ABCD3: variants seen among roughly 807,000 people sequenced by gnomAD.
ABCD3 encodes ATP-binding cassette sub-family D member 3.
ABCD3 carries 41 observed loss-of-function variants against 105.5 expected under a neutral mutation model. The observed-to-expected ratio is 0.39, with a 90% confidence interval of 0.30 to 0.50. The LOEUF (loss-of-function observed/expected upper bound fraction) is 0.50. Among genes scored for constraint, ABCD3 ranks in the 20% least tolerant of loss-of-function variants. The pLI, the probability that ABCD3 is intolerant of heterozygous loss-of-function variation, is 0.84. For synonymous variants in ABCD3, 258 were observed against 269.0 expected, an observed-to-expected ratio of 0.96 and a Z score of 0.40; for missense variants, 622 against 806.3, an observed-to-expected ratio of 0.77 and a Z score of 2.77.
At chr1:94,436,488 G>A (rs1160230584) in intron 1 of ABCD3, among the ~76,000 whole-genome samples, 1 of 151,968 alleles carries the variant, frequency 6.6e-6, no homozygotes, top group Admixed American at 6.6e-5. Flanking sequence ...TTTTTTGGTT[G>A]TACTGTATCT....
chr1:94,418,558 A>G lies in ABCD3; in HGVS notation c.80A>G (p.His27Arg), dbSNP rs554914466. The change falls in exon 1 of 23, where the codon CAC (histidine) becomes CGC (arginine). Residue 27 changes from histidine to arginine, a missense_variant. By Grantham distance (29) the His-to-Arg change is conservative. Transcript: ENST00000370214. The stretch of plus-strand genomic sequence containing the variant: ...GCGTTCCTGCTGCTCTGCCTGCTCC[A>G]CAAGCGGCGCCGCGCCCTCGGCCTG... ...GAAFLLLCLL[H>R]KRRRALGLHG... 6.2e-7 allele frequency: 1 copy of G among 1,602,960 alleles called. No homozygotes were observed. The highest frequency in any genetic ancestry group is 8.5e-7 in the Non-Finnish European group (1 of 1,178,772).
intron 1 of ABCD3, among the ~76,000 whole-genome samples, chr1:94,439,236 T>C (rs1570746894): frequency 6.6e-6 from 1 of 152,216 alleles, no homozygotes; most frequent in African/African-American, 2.4e-5. Context: ...TGTTACTCTA[T>C]TGTTTTCTGA....
At chr1:94,406,216 T>C in the ABCD3 span, among the ~76,000 whole-genome samples, 4 of 152,210 alleles carry the variant, frequency 2.6e-5, no homozygotes, top group South Asian at 8.3e-4. Context: ...ATATTACCTT[T>C]ATCATACACT....
At chr1:94,422,628 A>G (rs1211787025) in intron 1 of ABCD3, among the ~76,000 whole-genome samples, 1 of 152,210 alleles carries the variant, frequency 6.6e-6, no homozygotes, top group Non-Finnish European at 1.5e-5. Context: ...TTAATTCCCT[A>G]GTTCGGCTCT....
rs71094301 is a variant in ABCD3 at position 94,456,255 on chromosome 1, ATTTTTTTTTTTTTTTTTTTT to A, written c.111-2335_111-2316del. Among the ~76,000 whole-genome samples the A allele has an allele frequency of 3.6e-3, 164 of 44,962 alleles. 1 individual carries two copies. The highest frequency in any genetic ancestry group is 5.1e-3 in the Admixed American group (13 of 2,536). The allele number at this position is 44,962 out of a possible 152,430, so 29.5% of individuals were successfully genotyped here. On this transcript the variant is annotated intron_variant, in intron 1 of 22. Transcript: ENST00000370214. Reference sequence around the variant, plus strand: ...CATCCATGTTGTTGCAAATGACAGAATTTTTTTTTTTTTTTTTTTTTTTTTTTTTTTTTTTTGGAGACGGA... The same window carrying A: ...CATCCATGTTGTTGCAAATGACAGAATTTTTTTTTTTTTTTTGGAGACGGA...
intron 20 of ABCD3, among the ~76,000 whole-genome samples, chr1:94,506,273 C>A (rs1419922540): frequency 1.3e-5 from 2 of 152,076 alleles, no homozygotes; most frequent in African/African-American, 4.8e-5. Flanking sequence ...TTTGAAACTT[C>A]CTCTCTCATC....
intron 16 of ABCD3, among the ~76,000 whole-genome samples, chr1:94,493,744 C>T (rs1649653110): frequency 6.6e-6 from 1 of 152,088 alleles, no homozygotes; most frequent in South Asian, 2.1e-4. Context: ...ACATATACAC[C>T]ATGGAATACT....
At chr1:94,409,545 C>A in the ABCD3 span, among the ~76,000 whole-genome samples, 1 of 152,130 alleles carries the variant, frequency 6.6e-6, no homozygotes, top group Non-Finnish European at 1.5e-5. Flanking sequence ...TTTTTCTGAT[C>A]CTGAAATTTA....
chr1:94,423,258 T>C lies in ABCD3; in HGVS notation c.110+4670T>C, dbSNP rs180773116. ...TGATCTAAATGATGATCACCTCTTT[T>C]AAAATTTCTGAAGCATGCATTTAAA... On this transcript the variant is annotated intron_variant, in intron 1 of 22. Coordinates refer to ENST00000370214, the MANE Select transcript of ABCD3 (RefSeq NM_002858.4). Among the ~76,000 whole-genome samples, 390 of 152,356 alleles carry C rather than the reference T, an allele frequency of 2.6e-3. 1 individual carries two copies. The highest frequency in any genetic ancestry group is 4.6e-3 in the Non-Finnish European group (314 of 68,034).
intron 16 of ABCD3, among the ~76,000 whole-genome samples, chr1:94,491,995 A>C (rs1341025640): frequency 6.6e-6 from 1 of 152,142 alleles, no homozygotes; most frequent in East Asian, 1.9e-4. Flanking sequence ...TTCCCGTAGA[A>C]CTTTCTGCAA....
At chr1:94,389,336 C>T in the ABCD3 span, among the ~76,000 whole-genome samples, 1 of 152,182 alleles carries the variant, frequency 6.6e-6, no homozygotes, top group Non-Finnish European at 1.5e-5. Context: ...GTGACATGTT[C>T]ATGAGGCCAT....
At chr1:94,492,692 T>G (rs1649591472) in intron 16 of ABCD3, among the ~76,000 whole-genome samples, 1 of 152,002 alleles carries the variant, frequency 6.6e-6, no homozygotes, top group Non-Finnish European at 1.5e-5. Context: ...ACGTGAGACT[T>G]CGTTGAAGAA....
chr1:94,431,278 G>A lies in ABCD3; in HGVS notation c.110+12690G>A, dbSNP rs1336928191. On this transcript the variant is annotated intron_variant, in intron 1 of 22. Transcript: ENST00000370214. ...AGATTTTTTCCTCTTTCCAGAATGA[G>A]GGCTGGAGGAAGTAGCTTGGCCTGA... Among the ~76,000 whole-genome samples the A allele has an allele frequency of 2.0e-5, 3 of 152,270 alleles. No individual in the cohort carries two copies. The East Asian group carries it at 5.8e-4, about 29-fold the overall frequency.
chr1:94,475,265 TA>T lies in ABCD3; in HGVS notation c.503+30del, dbSNP rs747752446. On this transcript the variant is annotated intron_variant, in intron 6 of 22. Coordinates refer to ENST00000370214, the MANE Select transcript of ABCD3 (RefSeq NM_002858.4). ...AGTAAGTGATAACCTATTTTTATATTAAAAATATTTAAATAGAAGAGTATTT... is the reference window on the plus strand; with the variant it reads ...AGTAAGTGATAACCTATTTTTATATTAAAATATTTAAATAGAAGAGTATTT... The T allele has an allele frequency of 2.7e-5, 36 of 1,330,532 alleles. No homozygotes were observed. The African/African-American group carries it at 2.8e-4, about 10-fold the overall frequency. The allele number at this position is 1,330,532 out of a possible 1,614,324, so 82.4% of individuals were successfully genotyped here. A position where few individuals can be genotyped will look rare whatever the true frequency, so the allele number is the denominator to read the frequency against.
At chr1:94,418,650 C>T (rs977834722) in intron 1 of ABCD3, 62 bp downstream of exon 1, 22 of 1,503,012 alleles carry the variant, frequency 1.5e-5, no homozygotes, top group Non-Finnish European at 1.6e-5. Flanking sequence ...CGCGCGCTCT[C>T]TCTCCCCACC....
intron 21 of ABCD3, among the ~76,000 whole-genome samples, chr1:94,510,642 G>A (rs1472627004): frequency 6.9e-4 from 105 of 151,730 alleles, no homozygotes; most frequent in African/African-American, 2.0e-3. Context: ...TTTGTAGGTC[G>A]CTCAGGACTT....
At chr1:94,487,364 G>T (rs147157535) in intron 10 of ABCD3, among the ~76,000 whole-genome samples, 178 bp from the exon 11 acceptor site, 2 of 152,272 alleles carry the variant, frequency 1.3e-5, no homozygotes, top group East Asian at 3.9e-4. Flanking sequence ...CACCCGCTCT[G>T]TGAAGAGCAT....
Position 94,464,779 on chromosome 1 carries a change from A to G in ABCD3, c.152A>G (p.Glu51Gly), listed in dbSNP as rs1310141849. ...GKPPLQNNEK[E>G]GKKERAVVDK... ...GGCTTCTTTTTTTTAATGCAGAAAG[A>G]GGGGAAAAAGGAGCGAGCTGTGGTG... The change falls in exon 3 of 23, where the codon GAG becomes GGG. Residue 51 changes from glutamate (E) to glycine (G), a missense_variant. Glu to Gly is a moderately conservative substitution (Grantham distance 98). Around this residue, in one of 4 missense-constraint regions of ABCD3, gnomAD observed 89 missense variants for 77.5 expected, o/e 1.15. Transcript: ENST00000370214. The G allele has an allele frequency of 5.0e-6, 8 of 1,612,512 alleles. No homozygotes were observed. Among genetic ancestry groups the G allele is most frequent in the Non-Finnish European group, 6.8e-6 (8 of 1,179,002 alleles).
chr1:94,414,425 C>G (rs1043107616), upstream of ABCD3, among the ~76,000 whole-genome samples: 6 of 152,106 alleles, frequency 3.9e-5, no homozygotes, highest in African/African-American at 1.4e-4. Context: ...CTGTGCTGCC[C>G]TGACTCACAT....
Sources: gnomAD v4.1 joint callset for allele counts (sites outside exome capture counted in the v4.1 genomes callset) on GRCh38, gnomAD v4.1.1 for gene constraint, gnomAD v4.1.1 regional missense constraint, MANE v1.5 for transcripts, NCBI Gene and HGNC (gene_info 2026-07-23, HGNC 2026-07-21) for gene names.